Variants in SIL1 observed in about 807,000 individuals in gnomAD.
SIL1 encodes SIL1 nucleotide exchange factor, also known as nucleotide exchange factor SIL1.
SIL1 carries 40 observed loss-of-function variants against 49.1 expected under a neutral mutation model. The observed-to-expected ratio is 0.81, with a 90% CI of 0.63 to 1.06. The LOEUF (loss-of-function observed/expected upper bound fraction) is 1.06. SIL1 is among the 50% of genes least tolerant of loss of function. The pLI, the probability that SIL1 is intolerant of heterozygous loss-of-function variation, is 0.00. For missense variants in SIL1, 500 were observed against 572.6 expected, an observed-to-expected ratio of 0.87 and a Z score of 1.29; for synonymous variants, 253 against 250.8, an observed-to-expected ratio of 1.01 and a Z score of -0.08.
chr5:138,966,066 G>T (rs1403676814), intron 7 of SIL1, among the ~76,000 whole-genome samples: 1 of 151,822 alleles, frequency 6.6e-6, no homozygotes, highest in Non-Finnish European at 1.5e-5. Flanking sequence ...GTCAAATGAG[G>T]GTTACTTCAT....
chr5:139,058,855 T>C (rs1271263426), intron 3 of SIL1, among the ~76,000 whole-genome samples: 1 of 152,124 alleles, frequency 6.6e-6, no homozygotes, highest in Non-Finnish European at 1.5e-5. Flanking sequence ...TTCTTTTTTC[T>C]TTTTTCAATT....
intron 2 of SIL1, among the ~76,000 whole-genome samples, chr5:139,123,532 G>A (rs1750690971): frequency 6.6e-6 from 1 of 152,188 alleles, no homozygotes. Flanking sequence ...TCACATTCCA[G>A]AACAAAGACC....
At chr5:139,029,620 G>T (rs1267718090) in intron 5 of SIL1, among the ~76,000 whole-genome samples, 1 of 151,430 alleles carries the variant, frequency 6.6e-6, no homozygotes, top group African/African-American at 2.4e-5. Context: ...TTCCACCCCA[G>T]CGTGAGTAGT....
Position 139,092,053 on chromosome 5 carries a change from C to T in SIL1, c.244+28982G>A, listed in dbSNP as rs541501373. 6.0e-4 allele frequency among the ~76,000 whole-genome samples: 91 copies of T among 152,180 alleles called. 1 individual carries two copies. Among genetic ancestry groups the T allele is most frequent in the African/African-American group, 2.0e-3 (82 of 41,496 alleles). On this transcript the variant is annotated intron_variant, in intron 3 of 9. Coordinates refer to ENST00000394817, the MANE Select transcript of SIL1 (RefSeq NM_022464.5). ...AATAGCTGAGGTTCTTGAGGCCAGC[C>T]CTCCTTGCCTGACCATCCAACGGGA...
chr5:139,127,204 T>G (rs1382483819), intron 2 of SIL1, among the ~76,000 whole-genome samples: 1 of 152,034 alleles, frequency 6.6e-6, no homozygotes. Context: ...GAGATGGAGA[T>G]GAACTGAGAA....
intron 3 of SIL1, among the ~76,000 whole-genome samples, chr5:139,062,413 T>C (rs1044104445): frequency 6.6e-6 from 1 of 151,474 alleles, no homozygotes; most frequent in Non-Finnish European, 1.5e-5. Context: ...CTTAGAAGAG[T>C]TACCCAGCAT....
At chr5:139,104,634 A>G (rs1477201558) in intron 3 of SIL1, among the ~76,000 whole-genome samples, 1 of 152,210 alleles carries the variant, frequency 6.6e-6, no homozygotes, top group African/African-American at 2.4e-5. Context: ...GGAGGCCTCA[A>G]CGACCCTGAC....
intron 1 of SIL1, among the ~76,000 whole-genome samples, chr5:139,182,179 C>T (rs756326375): frequency 2.0e-5 from 3 of 152,178 alleles, no homozygotes; most frequent in Non-Finnish European, 4.4e-5. Flanking sequence ...GCTCTCATTG[C>T]TTGGGAGCAG....
intron 1 of SIL1, among the ~76,000 whole-genome samples, chr5:139,187,492 G>A (rs1198353130): frequency 6.6e-6 from 1 of 151,102 alleles, no homozygotes; most frequent in African/African-American, 2.4e-5. Context: ...ACTCCAGCCT[G>A]GGGCAACAGA....
rs536561791 is a variant in SIL1 at position 139,170,339 on chromosome 5, C to T, written c.-11+27930G>A. On this transcript the variant is annotated intron_variant, in intron 1 of 9. Coordinates refer to ENST00000394817, the MANE Select transcript of SIL1 (RefSeq NM_022464.5). ...CTGCTTGGCCGCCCATCGTGTGGGA[C>T]GTGAGGAGCCCCTCTGCCTGGCTGC... 3.1e-3 allele frequency among the ~76,000 whole-genome samples: 468 copies of T among 148,900 alleles called. 4 individuals are homozygous for T. The highest frequency in any genetic ancestry group is 0.01 in the African/African-American group (407 of 40,260).
Position 139,168,943 on chromosome 5 carries a change from T to C in SIL1, c.-11+29326A>G, listed in dbSNP as rs139687284. On this transcript the variant is annotated intron_variant, in intron 1 of 9. Transcript: ENST00000394817. ...CACCACTTCACTCCAGCCTGGGCAA[T>C]GAAGACCCTGTCTCAAAAAAAAAAA... 8.4e-3 allele frequency among the ~76,000 whole-genome samples: 1,211 copies of C among 144,032 alleles called. 18 individuals carry two copies. Among genetic ancestry groups the C allele is most frequent in the African/African-American group, 0.03 (1,150 of 38,108 alleles). 94.5% of individuals were successfully genotyped at this position (144,032 alleles called of 152,430 possible). A position where few individuals can be genotyped will look rare whatever the true frequency, so the allele number is the denominator to read the frequency against.
intron 7 of SIL1, among the ~76,000 whole-genome samples, chr5:139,003,329 A>T (rs1402840827): frequency 6.6e-6 from 1 of 152,112 alleles, no homozygotes; most frequent in African/African-American, 2.4e-5. Flanking sequence ...TCTGGGAAGC[A>T]AGCCCTTGGA....
At chr5:139,052,551 G>A (rs1033057591) in intron 3 of SIL1, among the ~76,000 whole-genome samples, 3 of 152,164 alleles carry the variant, frequency 2.0e-5, no homozygotes, top group East Asian at 3.8e-4. Context: ...AAGTGTGGTG[G>A]CAGGAACCTG....
intron 7 of SIL1, among the ~76,000 whole-genome samples, chr5:139,016,384 G>A (rs112404560): frequency 5.3e-5 from 8 of 152,178 alleles, no homozygotes; most frequent in African/African-American, 1.9e-4. Flanking sequence ...AAACGTAGAA[G>A]ACCACAGGAG....
rs1451141203 is a variant in SIL1 at position 138,948,658 on chromosome 5, C to T, written c.1030-1185G>A. Among the ~76,000 whole-genome samples, 1 of 152,162 alleles carries T rather than the reference C, an allele frequency of 6.6e-6. No homozygotes were observed. Among genetic ancestry groups the T allele is most frequent in the Non-Finnish European group, 1.5e-5 (1 of 68,034 alleles). ...CGCATTGGCCCCATTCACTCCACGG[C>T]TCCCTGCACACCTCACCGCCACTGA... On this transcript the variant is annotated intron_variant, in intron 9 of 9. Transcript: ENST00000394817. This position sits in a 1 kb window ranked among gnomAD's most constrained non-coding sequence, Gnocchi z 4.8.
At chr5:138,990,217 G>A (rs780874184) in intron 7 of SIL1, among the ~76,000 whole-genome samples, 9 of 152,174 alleles carry the variant, frequency 5.9e-5, no homozygotes, top group Non-Finnish European at 1.2e-4. Flanking sequence ...TGAGGACTGT[G>A]GAAAGACACT....
intron 3 of SIL1, among the ~76,000 whole-genome samples, chr5:139,101,749 G>A (rs1770592132): frequency 6.6e-6 from 1 of 152,152 alleles, no homozygotes; most frequent in Admixed American, 6.5e-5. Context: ...TTCAATAACT[G>A]CTTGCTATCA....
chr5:139,032,217 G>A (rs867290300), intron 5 of SIL1, among the ~76,000 whole-genome samples: 1 of 152,150 alleles, frequency 6.6e-6, no homozygotes, highest in African/African-American at 2.4e-5. Flanking sequence ...CAGACTTTTT[G>A]TAAATGCTTG....
chr5:138,951,482 T>A, intron 8 of SIL1, 147 bp from the exon 9 acceptor site: 1 of 825,550 alleles, frequency 1.2e-6, no homozygotes, highest in South Asian at 1.7e-5. Flanking sequence ...AACCCAGGAC[T>A]GTGAGGCCAG....
Sources: gnomAD v4.1 joint callset for allele counts (sites outside exome capture counted in the v4.1 genomes callset) on GRCh38, gnomAD v4.1.1 for gene constraint, Gnocchi (gnomAD v3.1) non-coding constraint, MANE v1.5 for transcripts, NCBI Gene and HGNC (gene_info 2026-07-23, HGNC 2026-07-21) for gene names.